The following HMCN1 variants were observed in gnomAD, a reference collection of about 807,000 sequenced individuals.
HMCN1 encodes hemicentin 1.
Under a neutral mutation model 625.9 loss-of-function variants are expected in HMCN1, and 321 were observed. That is an observed-to-expected ratio of 0.51 (90% confidence interval 0.47 to 0.56). The LOEUF is 0.56. Among genes scored for constraint, HMCN1 ranks in the 20% least tolerant of loss-of-function variants. The pLI is 0.00. For synonymous variants in HMCN1, 2,425 were observed against 2,417.6 expected, an observed-to-expected ratio of 1.00 and a Z score of -0.09; for missense variants, 6,588 against 6,887.3, an observed-to-expected ratio of 0.96 and a Z score of 1.54.
At chr1:185,893,307 G>A (rs971977968) in intron 4 of HMCN1, among the ~76,000 whole-genome samples, 9 of 152,194 alleles carry the variant, frequency 5.9e-5, no homozygotes, top group African/African-American at 2.2e-4. Context: ...GACTGGAGCT[G>A]TTCCTATTCG....
intron 97 of HMCN1, among the ~76,000 whole-genome samples, chr1:186,159,535 A>G (rs1260015219): frequency 2.0e-5 from 3 of 152,220 alleles, no homozygotes; most frequent in Non-Finnish European, 4.4e-5. Flanking sequence ...TTGTCCATTC[A>G]GTATGGTATT....
chr1:186,120,888 C>T (rs1337638909), intron 80 of HMCN1, among the ~76,000 whole-genome samples: 1 of 151,986 alleles, frequency 6.6e-6, no homozygotes, highest in East Asian at 1.9e-4. Context: ...TCTTAAACTA[C>T]CAGATAGATG....
At chr1:185,839,745 C>T (rs1256871945) in intron 1 of HMCN1, among the ~76,000 whole-genome samples, 1 of 152,154 alleles carries the variant, frequency 6.6e-6, no homozygotes, top group Admixed American at 6.5e-5. Flanking sequence ...TTTATGTCAA[C>T]AATTTTTTCT....
intron 4 of HMCN1, among the ~76,000 whole-genome samples, chr1:185,906,550 C>T (rs1439682958): frequency 2.0e-5 from 3 of 151,816 alleles, no homozygotes; most frequent in African/African-American, 7.2e-5. Flanking sequence ...AACTAACAGA[C>T]AACAAGATAG....
At chr1:186,145,345 G>C in intron 91 of HMCN1, 58 bp from the exon 92 acceptor site, 1 of 1,475,006 alleles carries the variant, frequency 6.8e-7, no homozygotes, top group Non-Finnish European at 9.1e-7. Flanking sequence ...GAATGTCATT[G>C]TTGACCACTT....
chr1:186,133,712 T>A (rs1179761044), intron 86 of HMCN1, among the ~76,000 whole-genome samples: 3 of 152,168 alleles, frequency 2.0e-5, no homozygotes, highest in Admixed American at 1.3e-4. Context: ...AGACATTTAA[T>A]AAGTATCTAA....
At chr1:185,886,372 A>G (rs1664651139) in intron 4 of HMCN1, among the ~76,000 whole-genome samples, 1 of 152,156 alleles carries the variant, frequency 6.6e-6, no homozygotes, top group South Asian at 2.1e-4. Flanking sequence ...TAAATACCTA[A>G]GAGATTCTTT....
intron 69 of HMCN1, among the ~76,000 whole-genome samples, chr1:186,104,620 A>G (rs1193255409): frequency 1.3e-5 from 2 of 152,158 alleles, no homozygotes; most frequent in Non-Finnish European, 2.9e-5. Flanking sequence ...CAATGTGTCT[A>G]TCCCACAAAT....
At chr1:185,776,390 C>T (rs1456172605) in intron 1 of HMCN1, among the ~76,000 whole-genome samples, 1 of 151,702 alleles carries the variant, frequency 6.6e-6, no homozygotes, top group African/African-American at 2.4e-5. Flanking sequence ...AAGTGAGGAA[C>T]ATGCCCATCA....
intron 49 of HMCN1, among the ~76,000 whole-genome samples, chr1:186,067,126 A>G (rs1434206112): frequency 2.0e-5 from 3 of 152,196 alleles, no homozygotes; most frequent in African/African-American, 7.2e-5. Context: ...TAGGTTCCCA[A>G]GCAAGCAAAC....
intron 68 of HMCN1, among the ~76,000 whole-genome samples, chr1:186,100,696 G>T (rs1294162747): frequency 6.6e-6 from 1 of 152,186 alleles, no homozygotes; most frequent in Admixed American, 6.5e-5. Flanking sequence ...AAGGAATTGT[G>T]TTTGGCTGTG....
At chr1:185,944,426 C>G (rs1668234252) in intron 11 of HMCN1, among the ~76,000 whole-genome samples, 1 of 152,000 alleles carries the variant, frequency 6.6e-6, no homozygotes, top group African/African-American at 2.4e-5. Flanking sequence ...TCCACTTGTA[C>G]CCCAAAAAAT....
At chr1:186,164,711 G>C (rs955864029) in intron 97 of HMCN1, among the ~76,000 whole-genome samples, 3 of 152,146 alleles carry the variant, frequency 2.0e-5, no homozygotes, top group African/African-American at 7.2e-5. Context: ...TTTTTCACGG[G>C]CACAAATTAT....
intron 1 of HMCN1, among the ~76,000 whole-genome samples, chr1:185,805,492 T>C (rs1433978193): frequency 1.3e-5 from 2 of 152,186 alleles, no homozygotes; most frequent in African/African-American, 2.4e-5. Context: ...GACTATTTCA[T>C]TGGTACTTCT....
chr1:185,818,622 CT>C (rs1285235932), intron 1 of HMCN1, among the ~76,000 whole-genome samples: 1 of 151,922 alleles, frequency 6.6e-6, no homozygotes, highest in African/African-American at 2.4e-5. Flanking sequence ...AGATTTTGGG[CT>C]TTTTTTGGCA....
At chr1:186,013,486 A>G (rs1210661727) in intron 30 of HMCN1, among the ~76,000 whole-genome samples, 4 of 152,186 alleles carry the variant, frequency 2.6e-5, no homozygotes, top group African/African-American at 9.6e-5. Flanking sequence ...AATGTTTGTC[A>G]GTATGGACTA....
intron 56 of HMCN1, among the ~76,000 whole-genome samples, chr1:186,081,633 A>G (rs1425099453): frequency 6.6e-6 from 1 of 152,200 alleles, no homozygotes; most frequent in African/African-American, 2.4e-5. Context: ...CACACACCTC[A>G]ATTGACTACA....
intron 57 of HMCN1, among the ~76,000 whole-genome samples, chr1:186,084,560 T>C (rs1034714230): frequency 6.6e-6 from 1 of 152,144 alleles, no homozygotes; most frequent in African/African-American, 2.4e-5. Context: ...TCTACAACTC[T>C]GCTTGCTTCT....
chr1:186,016,305 C>T lies in HMCN1; in HGVS notation c.5191+66C>T, dbSNP rs181846659. 1.7e-4 allele frequency: 247 copies of T among 1,457,154 alleles called. 1 individual carries two copies. The East Asian group carries it at 4.3e-3, about 25-fold the overall frequency. 90.3% of individuals were successfully genotyped at this position (1,457,154 alleles called of 1,614,324 possible). On this transcript the variant is annotated intron_variant, in intron 32 of 106. Coordinates refer to ENST00000271588, the MANE Select transcript of HMCN1 (RefSeq NM_031935.3). Reference sequence around the variant, plus strand: ...CAAAACCTGATTAGTTTGTTAAATACTTTTTTGTTCATGCAATAATAAAAC... The same window carrying T: ...CAAAACCTGATTAGTTTGTTAAATATTTTTTTGTTCATGCAATAATAAAAC...
Sources: gnomAD v4.1 joint callset for allele counts (sites outside exome capture counted in the v4.1 genomes callset) on GRCh38, gnomAD v4.1.1 for gene constraint, MANE v1.5 for transcripts, NCBI Gene and HGNC (gene_info 2026-07-23, HGNC 2026-07-21) for gene names.